SLC35A1: variants seen among roughly 807,000 people sequenced by gnomAD.
The protein encoded by SLC35A1 is CMP-sialic acid transporter.
A neutral mutation model predicts 40.3 loss-of-function variants in SLC35A1; 21 were observed. The observed-to-expected ratio is 0.52, with a 90% CI of 0.37 to 0.75. SLC35A1 has a LOEUF of 0.75. SLC35A1 is among the 30% of genes least tolerant of loss of function. SLC35A1 has a pLI of 0.00. For missense variants in SLC35A1, 297 were observed against 382.1 expected (o/e 0.78, Z 1.86); for synonymous variants, 146 against 147.3 (o/e 0.99, Z 0.06).
intron 3 of SLC35A1, 96 bp from the exon 4 acceptor site, chr6:87,501,060 ATT>A (rs768264524): frequency 1.6e-6 from 2 of 1,242,518 alleles, no homozygotes; most frequent in Non-Finnish European, 1.2e-6. Context: ...ATTATCAAAT[ATT>A]TTTTATTGAT....
At chr6:87,503,292 C>T (rs1433914205) in intron 4 of SLC35A1, among the ~76,000 whole-genome samples, 1 of 152,190 alleles carries the variant, frequency 6.6e-6, no homozygotes, top group Admixed American at 6.5e-5. Context: ...CAACTGAAGA[C>T]TTGACTACGG....
At chr6:87,489,379 C>T (rs1051709948) in intron 2 of SLC35A1, among the ~76,000 whole-genome samples, 10 of 151,870 alleles carry the variant, frequency 6.6e-5, no homozygotes, top group African/African-American at 2.4e-4. Context: ...GATTATTTCT[C>T]GGGAGTGGGT....
At position 87,500,627 on chromosome 6, in the gene SLC35A1, C is replaced by G. The variant is rs141107552; in HGVS notation, c.314C>G (p.Ala105Gly). 1.9e-6 allele frequency: 3 copies of G among 1,613,922 alleles called. No homozygotes were observed. In the African/African-American group the frequency reaches 4.0e-5, roughly 22 times the overall value. ...SLVYAVQNNM[A>G]FLALSNLDAA... is the part of the protein sequence containing the mutation. ...GTGTATGCTGTTCAGAACAACATGGCTTTCCTAGCTCTTAGCAATCTGGAT... is the reference window on the plus strand; with the variant it reads ...GTGTATGCTGTTCAGAACAACATGGGTTTCCTAGCTCTTAGCAATCTGGAT... The change falls in exon 3 of 8, where the codon GCT becomes GGT. Residue 105 changes from alanine (A) to glycine (G), a missense_variant. Coordinates refer to ENST00000369552, the MANE Select transcript of SLC35A1 (RefSeq NM_006416.5).
intron 2 of SLC35A1, among the ~76,000 whole-genome samples, chr6:87,498,345 A>G (rs1225066086): frequency 3.3e-5 from 5 of 152,224 alleles, no homozygotes; most frequent in South Asian, 2.1e-4. Context: ...AGAGATAATT[A>G]TAATGTTCAG....
At chr6:87,505,193 G>T (rs749752023) in intron 4 of SLC35A1, among the ~76,000 whole-genome samples, 12 of 152,032 alleles carry the variant, frequency 7.9e-5, no homozygotes, top group Non-Finnish European at 1.6e-4. Context: ...GCTCTCTCAG[G>T]TACCATAAAG....
rs552491345 is a variant in SLC35A1, at chr6:87,504,339, T to A, written c.508-2043T>A. On this transcript the variant is annotated intron_variant, in intron 4 of 7. Transcript: ENST00000369552. ...TTTGCAAGCCTCCACTTATTCTGAGTTTTCGATTTCTTGATACTATTCTTA... is the reference window on the plus strand; with the variant it reads ...TTTGCAAGCCTCCACTTATTCTGAGATTTCGATTTCTTGATACTATTCTTA... 3.6e-4 allele frequency among the ~76,000 whole-genome samples: 55 copies of A among 152,138 alleles called. 1 individual carries two copies. The highest frequency in any genetic ancestry group is 5.9e-4 in the Admixed American group (9 of 15,276).
At position 87,508,517 on chromosome 6, in the gene SLC35A1, C is replaced by T. The variant is rs542808596; in HGVS notation, c.672C>T (p.Gly224=). 3.0e-5 allele frequency: 48 copies of T among 1,612,462 alleles called. No homozygotes were observed. The highest frequency in any genetic ancestry group is 1.6e-4 in the South Asian group (15 of 91,042). ...CAGGGATTATTGTGACATTAGCTGGCGTCTACTTGTCAGATGGAGCTGAAA... is the reference window on the plus strand; with the variant it reads ...CAGGGATTATTGTGACATTAGCTGGTGTCTACTTGTCAGATGGAGCTGAAA... ...YLSGIIVTLA[G]VYLSDGAEIK... Residue 224 remains glycine (G), a synonymous_variant, in exon 6 of 8, where the codon GGC becomes GGT. Transcript: ENST00000369552.
intron 2 of SLC35A1, among the ~76,000 whole-genome samples, chr6:87,487,328 G>A (rs1214857295): frequency 2.6e-5 from 4 of 152,184 alleles, no homozygotes; most frequent in Non-Finnish European, 5.9e-5. Flanking sequence ...GACAGCACAG[G>A]TCACGAAGAG....
rs781296798 is a variant in SLC35A1, at chr6:87,477,440, G to C, written c.95G>C (p.Arg32Thr). The C allele has an allele frequency of 1.2e-6, 2 of 1,613,680 alleles. No individual in the cohort carries two copies. Among genetic ancestry groups the C allele is most frequent in the African/African-American group, 2.7e-5 (2 of 74,882 alleles). ...LMAAVYTIAL[R>T]YTRTSDKELY... ...GCTGCAGTCTATACCATAGCTTTAA[G>C]ATACACAAGGACATCAGACAAAGAA... The change falls in exon 2 of 8, where the codon AGA becomes ACA. Residue 32 changes from arginine (R) to threonine (T), a missense_variant. Physicochemically the swap from Arg to Thr is moderately conservative, Grantham distance 71. Coordinates refer to ENST00000369552, the MANE Select transcript of SLC35A1 (RefSeq NM_006416.5).
At chr6:87,483,836 A>C (rs1211434558) in intron 2 of SLC35A1, among the ~76,000 whole-genome samples, 1 of 152,006 alleles carries the variant, frequency 6.6e-6, no homozygotes, top group Non-Finnish European at 1.5e-5. Flanking sequence ...TGCTCCCCCA[A>C]GGGAGAATTA....
intron 2 of SLC35A1, among the ~76,000 whole-genome samples, chr6:87,480,976 T>C (rs1283707742): frequency 6.6e-6 from 1 of 152,172 alleles, no homozygotes; most frequent in East Asian, 1.9e-4. Flanking sequence ...TACCCTTTGA[T>C]GAGGGTGTGA....
At chr6:87,492,297 T>G (rs1001070451) in intron 2 of SLC35A1, among the ~76,000 whole-genome samples, 1 of 152,178 alleles carries the variant, frequency 6.6e-6, no homozygotes. Context: ...GATTACAGTT[T>G]GCTTTTAATT....
chr6:87,488,948 T>A (rs763921898), intron 2 of SLC35A1, among the ~76,000 whole-genome samples: 1 of 152,210 alleles, frequency 6.6e-6, no homozygotes, highest in Non-Finnish European at 1.5e-5. Flanking sequence ...ATGATGGCAA[T>A]CTAGGTCAAA....
chr6:87,484,832 G>A (rs907195550), intron 2 of SLC35A1, among the ~76,000 whole-genome samples: 5 of 152,184 alleles, frequency 3.3e-5, no homozygotes, highest in Non-Finnish European at 7.4e-5. Context: ...GTACTGACAT[G>A]CTGATTCTTT....
In SLC35A1 at chr6:87,511,918, G is replaced by C. The variant is rs944391654; in HGVS notation, c.*392G>C. The stretch of plus-strand genomic sequence containing the variant: ...TCTGTACTAACTGTTCTCTTGTTCC[G>C]GTACCGGGGAGAAGGATGACCCCTC... On this transcript the variant is annotated 3_prime_UTR_variant, in exon 8 of 8. Transcript: ENST00000369552. 1 of 261,324 alleles carries C rather than the reference G, an allele frequency of 3.8e-6. No homozygotes were observed. The highest frequency in any genetic ancestry group is 7.5e-6 in the Non-Finnish European group (1 of 133,038). The allele number at this position is 261,324 out of a possible 1,614,324, so 16.2% of individuals were successfully genotyped here.
chr6:87,491,880 A>C (rs909096568), intron 2 of SLC35A1, among the ~76,000 whole-genome samples: 129 of 152,322 alleles, frequency 8.5e-4, no homozygotes, highest in Non-Finnish European at 1.3e-4. Flanking sequence ...TCACCTCACT[A>C]AACCTAAGAC....
At chr6:87,497,837 T>C (rs1185582951) in intron 2 of SLC35A1, among the ~76,000 whole-genome samples, 1 of 151,690 alleles carries the variant, frequency 6.6e-6, no homozygotes, top group South Asian at 2.1e-4. Context: ...CAAGTGATGC[T>C]CCCACCTCAG....
At chr6:87,492,931 T>A (rs1054370770) in intron 2 of SLC35A1, among the ~76,000 whole-genome samples, 1 of 152,194 alleles carries the variant, frequency 6.6e-6, no homozygotes, top group Non-Finnish European at 1.5e-5. Flanking sequence ...TATTAACAAG[T>A]GTCTTTTGGA....
chr6:87,481,876 A>G (rs975151296), intron 2 of SLC35A1, among the ~76,000 whole-genome samples: 1 of 152,220 alleles, frequency 6.6e-6, no homozygotes, highest in African/African-American at 2.4e-5. Context: ...TTCCTTTACA[A>G]TTAACATTTT....
Sources: allele counts gnomAD v4.1 joint callset (sites outside exome capture counted in the v4.1 genomes callset), GRCh38; gene constraint gnomAD v4.1.1; transcripts MANE v1.5; gene names NCBI Gene and HGNC (gene_info 2026-07-23, HGNC 2026-07-21).